FOXO3: variants seen among roughly 807,000 people sequenced by gnomAD.
FOXO3 encodes forkhead box protein O3.
FOXO3 carries 4 observed loss-of-function variants against 41.9 expected under a neutral mutation model. The ratio of observed to expected loss-of-function variants is 0.10; its 90% CI spans 0.05 to 0.22. The LOEUF is 0.22. Among genes scored for constraint, FOXO3 ranks in the 10% least tolerant of loss-of-function variants. FOXO3 has a pLI of 1.00. For missense variants in FOXO3, 534 were observed against 906.8 expected (o/e 0.59, Z 5.28); for synonymous variants, 318 against 389.3 (o/e 0.82, Z 2.16).
chr6:108,577,182 C>G (rs946271221), intron 1 of FOXO3, among the ~76,000 whole-genome samples: 10 of 135,664 alleles, frequency 7.4e-5, no homozygotes, highest in Admixed American at 7.2e-4. Context: ...TTCTTTGCCC[C>G]AAGTTCTTAG....
At chr6:108,583,208 T>A (rs1776479100) in intron 1 of FOXO3, among the ~76,000 whole-genome samples, 1 of 152,190 alleles carries the variant, frequency 6.6e-6, no homozygotes, top group Non-Finnish European at 1.5e-5. Context: ...CACTACTTTA[T>A]TTTCTAGGGA....
At chr6:108,619,109 A>G (rs1006424548) in intron 1 of FOXO3, among the ~76,000 whole-genome samples, 1 of 152,220 alleles carries the variant, frequency 6.6e-6, no homozygotes, top group South Asian at 2.1e-4. Flanking sequence ...TTGTTCCTCT[A>G]TCATAGATGG....
chr6:108,659,799 G>C (rs1348167328), intron 1 of FOXO3, among the ~76,000 whole-genome samples: 1 of 152,272 alleles, frequency 6.6e-6, no homozygotes, highest in East Asian at 1.9e-4. Flanking sequence ...TTTTAACCCT[G>C]TGTAGCTTTT....
intron 1 of FOXO3, among the ~76,000 whole-genome samples, chr6:108,594,824 CT>C (rs1776831557): frequency 6.6e-6 from 1 of 152,204 alleles, no homozygotes; most frequent in Non-Finnish European, 1.5e-5. Flanking sequence ...AGCTCCAGCT[CT>C]TTCCAAACAT....
At chr6:108,573,201 G>T (rs1776157270) in intron 1 of FOXO3, among the ~76,000 whole-genome samples, 2 of 151,930 alleles carry the variant, frequency 1.3e-5, no homozygotes, top group Non-Finnish European at 2.9e-5. Flanking sequence ...GCAGTAGAAT[G>T]GCGTGAACCC....
intron 1 of FOXO3, among the ~76,000 whole-genome samples, chr6:108,587,875 A>C (rs1776627397): frequency 6.6e-6 from 1 of 152,216 alleles, no homozygotes; most frequent in Admixed American, 6.5e-5. Flanking sequence ...TAGAAAACTT[A>C]AGGATTCTTT....
Position 108,617,851 on chromosome 6 carries a change from A to G in FOXO3, c.622-45604A>G, listed in dbSNP as rs549016954. The G allele has an allele frequency of 2.5e-5, 8 of 313,894 alleles. No individual in the cohort carries two copies. The East Asian group carries it at 5.5e-4, about 22-fold the overall frequency. The allele number at this position is 313,894 out of a possible 1,614,324, so 19.4% of individuals were successfully genotyped here. On this transcript the variant is annotated intron_variant, in intron 1 of 2. Coordinates refer to ENST00000406360, the MANE Select transcript of FOXO3 (RefSeq NM_001455.4). ...ATACCAGTTACTTTTATGTACAGTA[A>G]AAGAATGGAGAAGGAGGAAATGAAC... is the stretch of plus-strand genomic sequence containing the variant.
chr6:108,647,563 G>A (rs1778425850), intron 1 of FOXO3, among the ~76,000 whole-genome samples: 1 of 152,160 alleles, frequency 6.6e-6, no homozygotes, highest in Non-Finnish European at 1.5e-5. Context: ...GGAACTACTG[G>A]CCCATTTTAT....
At chr6:108,560,607 AG>A (rs1775745801), upstream of FOXO3, among the ~76,000 whole-genome samples, 1 of 151,992 alleles carries the variant, frequency 6.6e-6, no homozygotes, top group African/African-American at 2.4e-5. Flanking sequence ...AGGCTAGGAA[AG>A]GGGAGAAGAG....
intron 1 of FOXO3, among the ~76,000 whole-genome samples, chr6:108,563,788 A>T (rs1339316235): frequency 1.3e-5 from 2 of 152,190 alleles, no homozygotes; most frequent in African/African-American, 2.4e-5. Flanking sequence ...AAGTTTAATG[A>T]ACTTTATTTT....
intron 1 of FOXO3, among the ~76,000 whole-genome samples, chr6:108,567,149 A>G (rs887650873): frequency 6.6e-6 from 1 of 151,936 alleles, no homozygotes; most frequent in African/African-American, 2.4e-5. Flanking sequence ...TTTTTTTTAC[A>G]TCTGTATTTC....
chr6:108,664,027 A>G lies in FOXO3; in HGVS notation c.1194A>G (p.Pro398=). Residue 398 remains proline (P), a synonymous_variant, in exon 2 of 3, where the codon CCA becomes CCG. Transcript: ENST00000406360. ...DDLLDNITLP[P]SQPSPTGGLM... ...TGCTGGATAACATCACGCTCCCGCC[A>G]TCCCAGCCATCGCCCACTGGGGGAC... 1.2e-6 allele frequency: 2 copies of G among 1,614,130 alleles called. No homozygotes were observed. The highest frequency in any genetic ancestry group is 1.7e-6 in the Non-Finnish European group (2 of 1,180,018).
chr6:108,671,092 A>G lies in FOXO3; in HGVS notation c.*34+6203A>G, dbSNP rs1249102034. Reference sequence around the variant, plus strand: ...CCTCACAAGGTTGGAGCAGAGGTGCATGTGGTGTGGCAGCCTGATGTGCCT... The same window carrying G: ...CCTCACAAGGTTGGAGCAGAGGTGCGTGTGGTGTGGCAGCCTGATGTGCCT... On this transcript the variant is annotated intron_variant, in intron 2 of 2. Transcript: ENST00000406360. 5.3e-5 allele frequency among the ~76,000 whole-genome samples: 8 copies of G among 152,164 alleles called. 1 individual carries two copies. Among genetic ancestry groups the G allele is most frequent in the Non-Finnish European group, 1.0e-4 (7 of 68,026 alleles).
intron 1 of FOXO3, among the ~76,000 whole-genome samples, chr6:108,597,105 C>T (rs960170728): frequency 1.3e-5 from 2 of 152,116 alleles, no homozygotes; most frequent in African/African-American, 4.8e-5. Context: ...AGAACTTGGC[C>T]ATACAGTTGT....
chr6:108,653,476 G>A (rs1408117075), intron 1 of FOXO3, among the ~76,000 whole-genome samples: 1 of 152,194 alleles, frequency 6.6e-6, no homozygotes, highest in Non-Finnish European at 1.5e-5. Flanking sequence ...GTGTGAGTCT[G>A]TCTCTGCTCT....
At chr6:108,586,828 G>T (rs953352358) in intron 1 of FOXO3, among the ~76,000 whole-genome samples, 1 of 152,044 alleles carries the variant, frequency 6.6e-6, no homozygotes, top group African/African-American at 2.4e-5. Flanking sequence ...TTCTGGGCAT[G>T]AGACAAGACT....
intron 1 of FOXO3, among the ~76,000 whole-genome samples, chr6:108,576,429 A>C (rs1776263773): frequency 6.6e-6 from 1 of 152,234 alleles, no homozygotes; most frequent in Non-Finnish European, 1.5e-5. Flanking sequence ...GTCTCATAAA[A>C]TCAGTGAATG....
At chr6:108,647,030 G>T (rs1778411098) in intron 1 of FOXO3, among the ~76,000 whole-genome samples, 1 of 152,178 alleles carries the variant, frequency 6.6e-6, no homozygotes, top group Non-Finnish European at 1.5e-5. Flanking sequence ...GCACAAAAGA[G>T]AGCTATCAGG....
chr6:108,665,014 A>T lies in FOXO3; in HGVS notation c.*34+125A>T, dbSNP rs1205544115. On this transcript the variant is annotated intron_variant, in intron 2 of 2. Transcript: ENST00000406360. ...TGAAAACCATGGAGCAGTGGTGCAC[A>T]TAATATGGCTCCCAGCCAGTTCCAT... The T allele has an allele frequency of 9.6e-6, 10 of 1,044,632 alleles. No individual in the cohort carries two copies. In the East Asian group the frequency reaches 2.6e-4, roughly 27 times the overall value. The allele number at this position is 1,044,632 out of a possible 1,614,324, so 64.7% of individuals were successfully genotyped here. A position where few individuals can be genotyped will look rare whatever the true frequency, so the allele number is the denominator to read the frequency against.
Sources: gnomAD v4.1 joint callset for allele counts (sites outside exome capture counted in the v4.1 genomes callset) on GRCh38, gnomAD v4.1.1 for gene constraint, MANE v1.5 for transcripts, NCBI Gene and HGNC (gene_info 2026-07-23, HGNC 2026-07-21) for gene names.